KCNJ1: variants seen among roughly 807,000 people sequenced by gnomAD.
KCNJ1 encodes the protein potassium inwardly rectifying channel subfamily J member 1, also known as ATP-sensitive inward rectifier potassium channel 1.
A neutral mutation model predicts 21.9 loss-of-function variants in KCNJ1; 24 were observed. That is an observed-to-expected ratio of 1.10 (90% CI 0.79 to 1.54). The LOEUF (loss-of-function observed/expected upper bound fraction) is 1.54. Among genes scored for constraint, KCNJ1 ranks in the 40% most tolerant of loss-of-function variants. KCNJ1 has a pLI of 0.00. For missense variants in KCNJ1, 457 were observed against 455.4 expected, an observed-to-expected ratio of 1.00 and a Z score of -0.03; for synonymous variants, 152 against 160.9, an observed-to-expected ratio of 0.94 and a Z score of 0.42.
Position 128,839,368 on chromosome 11 carries a change from C to T in KCNJ1, c.876G>A (p.Arg292=), listed in dbSNP as rs746407853. 8 of 1,614,042 alleles carry T rather than the reference C, an allele frequency of 5.0e-6. No homozygotes were observed. Among genetic ancestry groups the T allele is most frequent in the Non-Finnish European group, 6.8e-6 (8 of 1,180,030 alleles). Residue 292 remains arginine, a synonymous_variant, in exon 3 of 3, where the codon CGG becomes CGA. Coordinates refer to ENST00000392666, the MANE Select transcript of KCNJ1 (RefSeq NM_153766.3). ...GCACCTCCTCTGGGACATAGGATGT[C>T]CGGACTTGGCAGGTAGCACTGGTGG... ...VESTSATCQV[R]TSYVPEEVLW... is the part of the protein sequence containing the mutation.
In KCNJ1 at chr11:128,840,033, C is replaced by G. The variant is rs1312754738; in HGVS notation, c.211G>C (p.Gly71Arg). 1 of 1,614,130 alleles carries G rather than the reference C, an allele frequency of 6.2e-7. No homozygotes were observed. Among genetic ancestry groups the G allele is most frequent in the East Asian group, 2.2e-5 (1 of 44,888 alleles). The change falls in exon 3 of 3, where the codon GGG (glycine) becomes CGG (arginine). Residue 71 changes from glycine (G) to arginine (R), a missense_variant. Coordinates refer to ENST00000392666, the MANE Select transcript of KCNJ1 (RefSeq NM_153766.3). The stretch of plus-strand genomic sequence containing the variant: ...AGGAGACCAAAGAAAAACCAACTCC[C>G]CAAGAAGGCTGTGATGAAAATGGTC... The part of the protein sequence containing the change: ...KMTIFITAFL[G>R]SWFFFGLLWY...
At chr11:128,855,364 A>G (rs1943569833) in intron 1 of KCNJ1, among the ~76,000 whole-genome samples, 1 of 152,146 alleles carries the variant, frequency 6.6e-6, no homozygotes, top group Admixed American at 6.5e-5. Context: ...AGATGGAGAA[A>G]AGAGGATAGA....
chr11:128,852,882 C>G (rs1464006872), intron 1 of KCNJ1, among the ~76,000 whole-genome samples: 1 of 152,262 alleles, frequency 6.6e-6, no homozygotes, highest in Non-Finnish European at 1.5e-5. Flanking sequence ...CCAAGGCAGG[C>G]AAGCTCAGGG....
At chr11:128,850,920 T>C in intron 1 of KCNJ1, 30 bp from the exon 2 acceptor site, 1 of 979,964 alleles carries the variant, frequency 1.0e-6, no homozygotes, top group Non-Finnish European at 1.2e-6. Flanking sequence ...ATGGCTACTG[T>C]CTGGAGACAG....
intron 1 of KCNJ1, among the ~76,000 whole-genome samples, chr11:128,852,898 A>G (rs1186605461): frequency 6.6e-6 from 1 of 152,254 alleles, no homozygotes; most frequent in African/African-American, 2.4e-5. Flanking sequence ...CAGGGCCCTC[A>G]CTGAGACCGA....
chr11:128,842,271 A>C, intron 2 of KCNJ1: 1 of 1,175,782 alleles, frequency 8.5e-7, no homozygotes, highest in Non-Finnish European at 1.3e-6. Flanking sequence ...AGAGTGAAGA[A>C]GTACCCCCTG....
intron 1 of KCNJ1, chr11:128,866,559 G>A (rs1196820919): frequency 6.2e-6 from 6 of 972,650 alleles, no homozygotes; most frequent in Middle Eastern, 5.3e-4. Flanking sequence ...GCATTCACTG[G>A]TATAGAGCAA....
rs554991071 is a variant in KCNJ1, at chr11:128,848,325, G to A, written c.-22+2396C>T. 2.6e-4 allele frequency among the ~76,000 whole-genome samples: 39 copies of A among 148,994 alleles called. No individual in the cohort carries two copies. The South Asian group carries it at 7.1e-3, about 27-fold the overall frequency. ...AAAAAAAAAAAGTACCTGAGACCAC[G>A]GGTGTGCACCACCATGCCCAGCTGA... is the stretch of plus-strand genomic sequence containing the variant. On this transcript the variant is annotated intron_variant, in intron 2 of 2. Coordinates refer to ENST00000392666, the MANE Select transcript of KCNJ1 (RefSeq NM_153766.3).
Position 128,853,265 on chromosome 11 carries a change from G to A in KCNJ1, c.-191-2375C>T, listed in dbSNP as rs539341780. Reference sequence around the variant, plus strand: ...CCAAAGAGTGGAAGCTTTTGAAACAGTTGATGTCCATCAGCTGATGAATCA... The same window carrying A: ...CCAAAGAGTGGAAGCTTTTGAAACAATTGATGTCCATCAGCTGATGAATCA... On this transcript the variant is annotated intron_variant, in intron 1 of 2. Coordinates refer to ENST00000392666, the MANE Select transcript of KCNJ1 (RefSeq NM_153766.3). 2.3e-4 allele frequency among the ~76,000 whole-genome samples: 35 copies of A among 152,356 alleles called. No individual in the cohort carries two copies. In the South Asian group the frequency reaches 7.0e-3, roughly 31 times the overall value.
chr11:128,850,622 C>G (rs1255760975), intron 2 of KCNJ1, 99 bp downstream of exon 2: 1 of 430,552 alleles, frequency 2.3e-6, no homozygotes, highest in Non-Finnish European at 3.1e-6. Flanking sequence ...CTAGGTCCCA[C>G]AGCCTTTGCT....
intron 1 of KCNJ1, among the ~76,000 whole-genome samples, chr11:128,862,016 G>T (rs372040459): frequency 1.3e-5 from 2 of 152,130 alleles, no homozygotes; most frequent in African/African-American, 4.8e-5. Context: ...GTGGTCATCC[G>T]CGTGGGAAGG....
intron 2 of KCNJ1, among the ~76,000 whole-genome samples, chr11:128,846,146 G>T (rs891846466): frequency 1.3e-5 from 2 of 152,134 alleles, no homozygotes; most frequent in Non-Finnish European, 2.9e-5. Context: ...GAGTCGACGG[G>T]CTTCTAGCTC....
At chr11:128,851,821 A>G (rs917519167) in intron 1 of KCNJ1, among the ~76,000 whole-genome samples, 2 of 152,226 alleles carry the variant, frequency 1.3e-5, no homozygotes, top group African/African-American at 4.8e-5. Context: ...TGTCTTCAGT[A>G]TGGACACTCG....
At chr11:128,857,380 G>C (rs1014275148) in intron 1 of KCNJ1, among the ~76,000 whole-genome samples, 1 of 152,056 alleles carries the variant, frequency 6.6e-6, no homozygotes, top group Non-Finnish European at 1.5e-5. Flanking sequence ...ACTTATTGTC[G>C]ATCTCCCCTC....
At chr11:128,840,523 A>G (rs932231244) in intron 2 of KCNJ1, among the ~76,000 whole-genome samples, 1 of 152,214 alleles carries the variant, frequency 6.6e-6, no homozygotes, top group African/African-American at 2.4e-5. Context: ...CTAAGTGATT[A>G]TATATTCAAG....
intron 2 of KCNJ1, among the ~76,000 whole-genome samples, chr11:128,844,675 A>G (rs1366390434): frequency 6.6e-6 from 1 of 152,198 alleles, no homozygotes; most frequent in African/African-American, 2.4e-5. Context: ...TTCCACAGAC[A>G]TCCACTTGAG....
intron 2 of KCNJ1, among the ~76,000 whole-genome samples, chr11:128,841,736 A>G (rs527263730): frequency 3.2e-4 from 48 of 152,344 alleles, no homozygotes; most frequent in African/African-American, 1.1e-3. Context: ...CTGAAAACAC[A>G]AGAAGCCAAC....
intron 1 of KCNJ1, among the ~76,000 whole-genome samples, chr11:128,862,194 G>A (rs1943727213): frequency 6.6e-6 from 1 of 152,176 alleles, no homozygotes; most frequent in Admixed American, 6.5e-5. Flanking sequence ...CCAGCCAAAG[G>A]AGCAGGTGTA....
Position 128,840,088 on chromosome 11 carries a change from C to T in KCNJ1, c.156G>A (p.Thr52=), listed in dbSNP as rs141393013. 7 of 1,614,124 alleles carry T rather than the reference C, an allele frequency of 4.3e-6. No homozygotes were observed. Among genetic ancestry groups the T allele is most frequent in the African/African-American group, 2.7e-5 (2 of 75,028 alleles). The change falls in exon 3 of 3, where the codon ACG becomes ACA. Residue 52 remains threonine (T), a synonymous_variant. Coordinates refer to ENST00000392666, the MANE Select transcript of KCNJ1 (RefSeq NM_153766.3). ...RFIFFVDIWT[T]VLDLKWRYKM... ...TGTATCTCCACTTGAGGTCAAGTACCGTTGTCCAGATGTCCACAAAGAATA... is the reference window on the plus strand; with the variant it reads ...TGTATCTCCACTTGAGGTCAAGTACTGTTGTCCAGATGTCCACAAAGAATA...
Sources: allele counts gnomAD v4.1 joint callset (sites outside exome capture counted in the v4.1 genomes callset), GRCh38; gene constraint gnomAD v4.1.1; transcripts MANE v1.5; gene names NCBI Gene and HGNC (gene_info 2026-07-23, HGNC 2026-07-21).